CHRNA7: variants seen among roughly 807,000 people sequenced by gnomAD.
CHRNA7 encodes neuronal acetylcholine receptor subunit alpha-7.
In CHRNA7, 17 loss-of-function variants were observed where a neutral mutation model predicts 48.0. That is an observed-to-expected ratio of 0.35 (90% CI 0.24 to 0.53). The LOEUF (loss-of-function observed/expected upper bound fraction) is 0.53. CHRNA7 is among the 20% of genes least tolerant of loss of function. The pLI is 0.92. For missense variants in CHRNA7, 155 were observed against 577.7 expected, an observed-to-expected ratio of 0.27 and a Z score of 7.50; for synonymous variants, 75 against 242.3, an observed-to-expected ratio of 0.31 and a Z score of 6.41.
chr15:32,105,300 A>G (rs986691565), intron 3 of CHRNA7, among the ~76,000 whole-genome samples: 7 of 152,212 alleles, frequency 4.6e-5, no homozygotes, highest in African/African-American at 1.7e-4. Context: ...ATTTATGATC[A>G]GGCTGTGTAA....
chr15:32,144,994 G>A (rs938014248), intron 4 of CHRNA7, among the ~76,000 whole-genome samples: 27 of 152,254 alleles, frequency 1.8e-4, no homozygotes, highest in African/African-American at 6.5e-4. Context: ...GAGAAGAAGG[G>A]GTGCTCTGGT....
Position 32,080,270 on chromosome 15 carries a change from C to T in CHRNA7, c.196-21033C>T, listed in dbSNP as rs2050195923. On this transcript the variant is annotated intron_variant, in intron 2 of 9. Coordinates refer to ENST00000306901, the MANE Select transcript of CHRNA7 (RefSeq NM_000746.6). ...GATTTCATGTTGAAAACGTCAAAAT[C>T]AATTGCAACAAAAACAAAAATTAAC... Among the ~76,000 whole-genome samples, 3 of 152,082 alleles carry T rather than the reference C, an allele frequency of 2.0e-5. No individual in the cohort carries two copies. The South Asian group carries it at 6.2e-4, about 31-fold the overall frequency.
chr15:32,151,298 CT>C (rs1275238796), intron 4 of CHRNA7, among the ~76,000 whole-genome samples: 3 of 152,132 alleles, frequency 2.0e-5, no homozygotes, highest in African/African-American at 4.8e-5. Context: ...TTTTCTAGGC[CT>C]CCTGCTCAAG....
chr15:32,113,783 T>G (rs1168929204), intron 4 of CHRNA7, among the ~76,000 whole-genome samples: 1 of 151,952 alleles, frequency 6.6e-6, no homozygotes, highest in Non-Finnish European at 1.5e-5. Context: ...CAATTCGGAT[T>G]TTTTAAGTTT....
At chr15:32,166,728 T>C (rs1450160689) in intron 9 of CHRNA7, 9 of 145,154 alleles carry the variant, frequency 6.2e-5, no homozygotes, top group African/African-American at 2.2e-4. Flanking sequence ...ACACTTTACA[T>C]GGATGGGCTT....
At chr15:32,080,909 A>G (rs751293091) in intron 2 of CHRNA7, among the ~76,000 whole-genome samples, 3 of 152,208 alleles carry the variant, frequency 2.0e-5, no homozygotes, top group Non-Finnish European at 4.4e-5. Context: ...CTCATCAATG[A>G]TAGACTAAAG....
At chr15:32,095,924 C>A (rs1422587632) in intron 2 of CHRNA7, among the ~76,000 whole-genome samples, 2 of 152,208 alleles carry the variant, frequency 1.3e-5, no homozygotes, top group Non-Finnish European at 2.9e-5. Context: ...GAAATCCAAC[C>A]CCCTAACCTC....
At chr15:32,084,454 A>T (rs1595428438) in intron 2 of CHRNA7, among the ~76,000 whole-genome samples, 1 of 152,344 alleles carries the variant, frequency 6.6e-6, no homozygotes, top group Middle Eastern at 3.4e-3. Flanking sequence ...GCATGAGCAC[A>T]TACAGTCTCA....
intron 4 of CHRNA7, among the ~76,000 whole-genome samples, chr15:32,120,249 A>G (rs2050944793): frequency 6.6e-6 from 1 of 152,100 alleles, no homozygotes; most frequent in East Asian, 1.9e-4. Context: ...CACATCAGGA[A>G]AGAGCTCGGT....
At chr15:32,120,418 T>C (rs2050948058) in intron 4 of CHRNA7, among the ~76,000 whole-genome samples, 1 of 142,550 alleles carries the variant, frequency 7.0e-6, no homozygotes, top group Admixed American at 6.9e-5. Flanking sequence ...TGCTGTGGGG[T>C]TTTCTTTTCT....
intron 2 of CHRNA7, among the ~76,000 whole-genome samples, chr15:32,052,978 C>G (rs1269353593): frequency 6.6e-6 from 1 of 152,138 alleles, no homozygotes; most frequent in Non-Finnish European, 1.5e-5. Flanking sequence ...CAAAATATCA[C>G]ATGTACCTCC....
intron 2 of CHRNA7, chr15:32,100,219 G>A (rs1019803053): frequency 4.6e-5 from 7 of 151,408 alleles, no homozygotes; most frequent in African/African-American, 9.7e-5. Flanking sequence ...ACTTCCCATC[G>A]GTGAACCAGG....
chr15:32,041,335 A>G (rs567675517), intron 2 of CHRNA7, among the ~76,000 whole-genome samples: 3 of 152,298 alleles, frequency 2.0e-5, no homozygotes, highest in African/African-American at 7.2e-5. Flanking sequence ...GTCGGGGGCC[A>G]TGGTTTTGGG....
chr15:32,035,767 T>A (rs2141162377), intron 2 of CHRNA7, among the ~76,000 whole-genome samples: 1 of 152,340 alleles, frequency 6.6e-6, no homozygotes, highest in African/African-American at 2.4e-5. Context: ...CAGGTATTGA[T>A]CTTTATCATT....
At chr15:32,135,857 T>C (rs904634679) in intron 4 of CHRNA7, among the ~76,000 whole-genome samples, 2 of 152,046 alleles carry the variant, frequency 1.3e-5, no homozygotes, top group African/African-American at 4.8e-5. Context: ...AACAAAGAGA[T>C]GGCAATTAGA....
In CHRNA7 at chr15:32,051,101, G is replaced by T. The variant is rs544549810; in HGVS notation, c.195+20064G>T. Among the ~76,000 whole-genome samples the T allele has an allele frequency of 3.6e-4, 55 of 151,742 alleles. No individual in the cohort carries two copies. The South Asian group carries it at 9.7e-3, about 27-fold the overall frequency. ...TAGGCTGCTCGGGGGTCAGGGGTCA[G>T]GGACCCACTTGAGGAGGCAGTCTGC... On this transcript the variant is annotated intron_variant, in intron 2 of 9. Coordinates refer to ENST00000306901, the MANE Select transcript of CHRNA7 (RefSeq NM_000746.6).
chr15:32,045,837 G>C (rs1238976699), intron 2 of CHRNA7, among the ~76,000 whole-genome samples: 2 of 101,842 alleles, frequency 2.0e-5, no homozygotes, highest in Non-Finnish European at 3.6e-5. Flanking sequence ...CCCCACAACA[G>C]TCCCCAGAGT....
chr15:32,092,589 TA>T (rs1462135852), intron 2 of CHRNA7, among the ~76,000 whole-genome samples: 1 of 152,252 alleles, frequency 6.6e-6, no homozygotes, highest in Non-Finnish European at 1.5e-5. Context: ...TTCTGTGATG[TA>T]GTAGAGATGC....
intron 2 of CHRNA7, among the ~76,000 whole-genome samples, chr15:32,061,688 G>A (rs2049881567): frequency 6.6e-6 from 1 of 152,066 alleles, no homozygotes; most frequent in Non-Finnish European, 1.5e-5. Flanking sequence ...GGTGCCTGTA[G>A]TCCCAGCTAC....
Sources: gnomAD v4.1 joint callset for allele counts (sites outside exome capture counted in the v4.1 genomes callset) on GRCh38, gnomAD v4.1.1 for gene constraint, MANE v1.5 for transcripts, NCBI Gene and HGNC (gene_info 2026-07-23, HGNC 2026-07-21) for gene names.